The following IP6K2 variants were observed in gnomAD, a reference collection of about 807,000 sequenced individuals.
IP6K2 encodes ATP:1D-myo-inositol-hexakisphosphate phosphotransferase.
IP6K2 carries 9 observed loss-of-function variants against 43.3 expected under a neutral mutation model. The observed-to-expected ratio is 0.21, with a 90% CI of 0.13 to 0.36. IP6K2 has a LOEUF of 0.36. Ranked by LOEUF, IP6K2 falls within the 10% of genes least tolerant of loss-of-function variation. The probability of loss-of-function intolerance (pLI) is 1.00; values close to 1 mark genes in which losing one functional copy is unlikely to be tolerated. For missense variants in IP6K2, 332 were observed against 538.4 expected, an observed-to-expected ratio of 0.62 and a Z score of 3.79; for synonymous variants, 209 against 202.4, an observed-to-expected ratio of 1.03 and a Z score of -0.28.
chr3:48,688,847 G>T lies in IP6K2; in HGVS notation c.781-74C>A. On this transcript the variant is annotated intron_variant, in intron 5 of 5. Coordinates refer to ENST00000328631, the MANE Select transcript of IP6K2 (RefSeq NM_016291.4). The surrounding 1 kb of genome is among the most constrained non-coding windows in gnomAD (Gnocchi z 5.1). Reference sequence around the variant, plus strand: ...CTGGACCCCGGGCGGGGGTGGGGTGGTGTGGTGGTGGCGGCATGTGACAGC... The same window carrying T: ...CTGGACCCCGGGCGGGGGTGGGGTGTTGTGGTGGTGGCGGCATGTGACAGC... The T allele has an allele frequency of 6.7e-7, 1 of 1,499,756 alleles. No homozygotes were observed. Among genetic ancestry groups the T allele is most frequent in the Non-Finnish European group, 9.0e-7 (1 of 1,117,280 alleles). The allele number at this position is 1,499,756 out of a possible 1,614,324, so 92.9% of individuals were successfully genotyped here. A position where few individuals can be genotyped will look rare whatever the true frequency, so the allele number is the denominator to read the frequency against.
At chr3:48,693,456 T>C (rs1387651564) in intron 2 of IP6K2, 6 of 1,363,974 alleles carry the variant, frequency 4.4e-6, no homozygotes, top group Non-Finnish European at 5.8e-6. Flanking sequence ...CATTTTTCCA[T>C]CATTGAAAAT....
intron 1 of IP6K2, among the ~76,000 whole-genome samples, chr3:48,706,936 C>G (rs1276923031): frequency 6.6e-6 from 1 of 152,072 alleles, no homozygotes; most frequent in African/African-American, 2.4e-5. Context: ...TTTTTTCAAT[C>G]TAAACAAACA....
At chr3:48,702,094 G>A (rs1204948538) in intron 1 of IP6K2, among the ~76,000 whole-genome samples, 1 of 151,932 alleles carries the variant, frequency 6.6e-6, no homozygotes, top group Non-Finnish European at 1.5e-5. Context: ...AGCTGGACAT[G>A]GTGGTGGACA....
At chr3:48,690,369 C>T (rs189546830) in intron 4 of IP6K2, among the ~76,000 whole-genome samples, 89 of 152,280 alleles carry the variant, frequency 5.8e-4, no homozygotes, top group Admixed American at 2.2e-3. Flanking sequence ...GGCGTGGTGG[C>T]TCACGCCTGT....
At chr3:48,708,319 TA>T (rs2080063958) in intron 1 of IP6K2, 2 of 152,144 alleles carry the variant, frequency 1.3e-5, no homozygotes, top group African/African-American at 4.8e-5. Context: ...GCTAGAATTA[TA>T]AAGAATTTAA....
At position 48,688,249 on chromosome 3, in the gene IP6K2, C is replaced by A. The variant is rs1168002847; in HGVS notation, c.*24G>T. ...TGTGCCTGGGACACAGAGTCGCTCT[C>A]AAGTACTGGAGCAGCTAGCAAGCTC... On this transcript the variant is annotated 3_prime_UTR_variant, in exon 6 of 6. Transcript: ENST00000328631. This position sits in a 1 kb window ranked among gnomAD's most constrained non-coding sequence, Gnocchi z 5.1. 1 of 1,608,228 alleles carries A rather than the reference C, an allele frequency of 6.2e-7. No homozygotes were observed. The highest frequency in any genetic ancestry group is 1.1e-5 in the South Asian group (1 of 90,690).
intron 1 of IP6K2, among the ~76,000 whole-genome samples, chr3:48,697,255 C>T (rs1046042243): frequency 3.3e-5 from 5 of 151,828 alleles, no homozygotes; most frequent in Admixed American, 2.6e-4. Context: ...CTCCTGACCT[C>T]GTGATCCGCC....
rs571184354 is a variant in IP6K2, at chr3:48,717,173, G to C, written c.-147C>G. The C allele has an allele frequency of 2.8e-4, 44 of 154,974 alleles. No individual in the cohort carries two copies. Among genetic ancestry groups the C allele is most frequent in the African/African-American group, 9.6e-4 (40 of 41,658 alleles). The allele number at this position is 154,974 out of a possible 1,614,324, so 9.6% of individuals were successfully genotyped here. A position where few individuals can be genotyped will look rare whatever the true frequency, so the allele number is the denominator to read the frequency against. The stretch of plus-strand genomic sequence containing the variant: ...GAGCTTTACCTGCCGCCTCAGCCGG[G>C]TTCCTCGGCGTTTCCGTCCTATTGT... On this transcript the variant is annotated 5_prime_UTR_variant, in exon 1 of 6. Coordinates refer to ENST00000328631, the MANE Select transcript of IP6K2 (RefSeq NM_016291.4).
At chr3:48,694,556 A>G in intron 2 of IP6K2, 1 of 1,521,682 alleles carries the variant, frequency 6.6e-7, no homozygotes, top group Non-Finnish European at 8.8e-7. Context: ...AGAAATAAAA[A>G]ATTATCATAT....
Position 48,688,171 on chromosome 3 carries a change from G to T in IP6K2, c.*102C>A. The T allele has an allele frequency of 7.5e-7, 1 of 1,336,936 alleles. No homozygotes were observed. The highest frequency in any genetic ancestry group is 1.1e-6 in the Non-Finnish European group (1 of 952,070). The allele number at this position is 1,336,936 out of a possible 1,614,324, so 82.8% of individuals were successfully genotyped here. A position where few individuals can be genotyped will look rare whatever the true frequency, so the allele number is the denominator to read the frequency against. Reference sequence around the variant, plus strand: ...AGAGGCCACTGCACATCAGCTCCAGGCTGCAGGAGCCACCACCTGGCCATA... The same window carrying T: ...AGAGGCCACTGCACATCAGCTCCAGTCTGCAGGAGCCACCACCTGGCCATA... On this transcript the variant is annotated 3_prime_UTR_variant, in exon 6 of 6. Coordinates refer to ENST00000328631, the MANE Select transcript of IP6K2 (RefSeq NM_016291.4). This position sits in a 1 kb window ranked among gnomAD's most constrained non-coding sequence, Gnocchi z 5.1.
At chr3:48,708,190 A>G (rs1245562667) in intron 1 of IP6K2, 1 of 152,084 alleles carries the variant, frequency 6.6e-6, no homozygotes, top group Non-Finnish European at 1.5e-5. Context: ...GGCTGCAGTG[A>G]GCCGTGATCA....
chr3:48,697,488 A>ATTTTTTTTTTTTT (rs35746542), intron 1 of IP6K2, among the ~76,000 whole-genome samples: 386 of 64,310 alleles, frequency 6.0e-3, no homozygotes, highest in Non-Finnish European at 6.9e-3. Context: ...ATGCCTGGCT[A>ATTTTTTTTTTTTT]TTTTTTTTTT....
At chr3:48,705,043 G>A (rs1451194088) in intron 1 of IP6K2, among the ~76,000 whole-genome samples, 1 of 152,116 alleles carries the variant, frequency 6.6e-6, no homozygotes, top group Non-Finnish European at 1.5e-5. Flanking sequence ...CCAGGTTCAC[G>A]CCATTCTCCT....
chr3:48,716,147 C>G (rs1018423445), intron 1 of IP6K2, among the ~76,000 whole-genome samples: 4 of 152,176 alleles, frequency 2.6e-5, no homozygotes, highest in African/African-American at 7.2e-5. Flanking sequence ...AAAATATTAC[C>G]TGGCTACAAC....
intron 1 of IP6K2, among the ~76,000 whole-genome samples, chr3:48,705,193 C>T (rs999497539): frequency 6.6e-6 from 1 of 151,354 alleles, no homozygotes; most frequent in Non-Finnish European, 1.5e-5. Context: ...TCCGCTGCCT[C>T]AGCCTCCCAA....
chr3:48,713,087 A>T (rs1315257104), intron 1 of IP6K2, among the ~76,000 whole-genome samples: 1 of 152,248 alleles, frequency 6.6e-6, no homozygotes. Context: ...TGGGCAGGTG[A>T]GTAGTTATAC....
intron 1 of IP6K2, among the ~76,000 whole-genome samples, chr3:48,713,694 G>C (rs993690573): frequency 4.0e-5 from 6 of 151,844 alleles, no homozygotes; most frequent in African/African-American, 1.5e-4. Context: ...GTGGTGCCAC[G>C]CGCCTGTAAT....
At chr3:48,706,171 C>T (rs1484039624) in intron 1 of IP6K2, among the ~76,000 whole-genome samples, 1 of 151,774 alleles carries the variant, frequency 6.6e-6, no homozygotes, top group Non-Finnish European at 1.5e-5. Context: ...TACGCCATTG[C>T]ACTCCAGCCT....
intron 2 of IP6K2, chr3:48,693,481 AT>A (rs906732509): frequency 5.2e-5 from 69 of 1,315,458 alleles, no homozygotes; most frequent in Non-Finnish European, 4.2e-5. Flanking sequence ...ATTAATTTTT[AT>A]GTAATTCTTC....
Sources: gnomAD v4.1 joint callset for allele counts (sites outside exome capture counted in the v4.1 genomes callset) on GRCh38, gnomAD v4.1.1 for gene constraint, Gnocchi (gnomAD v3.1) non-coding constraint, MANE v1.5 for transcripts, NCBI Gene and HGNC (gene_info 2026-07-23, HGNC 2026-07-21) for gene names.